CD99: variants seen among roughly 807,000 people sequenced by gnomAD.
CD99 encodes the protein CD99 molecule (Xg blood group).
In CD99, 19 loss-of-function variants were observed where a neutral mutation model predicts 28.4. That is an observed-to-expected ratio of 0.67 (90% CI 0.47 to 0.98). CD99 has a LOEUF of 0.98. Ranked by LOEUF, CD99 falls within the 50% of genes least tolerant of loss-of-function variation. CD99 has a pLI of 0.00. For missense variants in CD99, 283 were observed against 248.8 expected (o/e 1.14, Z -0.92); for synonymous variants, 103 against 92.1 (o/e 1.12, Z -0.67).
At chrX:2,737,564 G>A (rs28436248) in intron 8 of CD99, among the ~76,000 whole-genome samples, 72,031 of 146,658 alleles carry the variant, frequency 0.49, 17,514 homozygotes, top group African/African-American at 0.6. Flanking sequence ...GTGTGATCTC[G>A]GCTCACTGCA....
intron 8 of CD99, 146 bp from the exon 9 acceptor site, chrX:2,738,054 A>T: frequency 1.3e-6 from 1 of 781,934 alleles, no homozygotes; most frequent in Non-Finnish European, 2.3e-6. Flanking sequence ...CCATGTTCCC[A>T]GTGGGTCTCG....
At chrX:2,700,092 CAG>C (rs1203892990) in intron 1 of CD99, among the ~76,000 whole-genome samples, 9 of 152,120 alleles carry the variant, frequency 5.9e-5, no homozygotes, top group Non-Finnish European at 1.0e-4. Flanking sequence ...GACGTGGGCA[CAG>C]GGGTTGCTGG....
At position 2,705,750 on chromosome X, in the gene CD99, G is replaced by A. The variant is rs187599457; in HGVS notation, c.68-8672G>A. The stretch of plus-strand genomic sequence containing the variant: ...GTGCCCTGTGACCGATCGTCTGCCC[G>A]GTGTTAAATGACACATCTTGAAAAA... On this transcript the variant is annotated intron_variant, in intron 1 of 9. Coordinates refer to ENST00000381192, the MANE Select transcript of CD99 (RefSeq NM_002414.5). Among the ~76,000 whole-genome samples, 17 of 152,192 alleles carry A rather than the reference G, an allele frequency of 1.1e-4. No individual in the cohort carries two copies. In the East Asian group the frequency reaches 1.9e-3, roughly 17 times the overall value.
At chrX:2,707,829 T>G (rs1224284327) in intron 1 of CD99, among the ~76,000 whole-genome samples, 1 of 152,180 alleles carries the variant, frequency 6.6e-6, no homozygotes, top group East Asian at 1.9e-4. Context: ...GTTGGTGTTT[T>G]CTTCACATTT....
At chrX:2,709,525 GCA>G (rs1299628248) in intron 1 of CD99, among the ~76,000 whole-genome samples, 17 of 152,378 alleles carry the variant, frequency 1.1e-4, no homozygotes, top group South Asian at 4.1e-4. Context: ...AAACACGTGT[GCA>G]CACACATGCA....
At chrX:2,722,890 G>A (rs1222050099) in intron 6 of CD99, among the ~76,000 whole-genome samples, 1 of 152,186 alleles carries the variant, frequency 6.6e-6, no homozygotes. Flanking sequence ...GAAGAGTTCA[G>A]GGCCCAGGCA....
intron 1 of CD99, among the ~76,000 whole-genome samples, chrX:2,705,420 G>A (rs2048068755): frequency 6.6e-6 from 1 of 152,154 alleles, no homozygotes; most frequent in Non-Finnish European, 1.5e-5. Context: ...TTTACAATAT[G>A]TTTGGTAAGA....
At position 2,691,404 on chromosome X, in the gene CD99, T is replaced by C. The variant is rs1569420925; in HGVS notation, c.44T>C (p.Leu15Pro). Residue 15 changes from leucine (L) to proline (P), a missense_variant, in exon 1 of 10, where the codon CTG becomes CCG. Leu to Pro is a moderately conservative substitution (Grantham distance 98). Coordinates refer to ENST00000381192, the MANE Select transcript of CD99 (RefSeq NM_002414.5). Reference sequence around the variant, plus strand: ...CTGGCGCTGCTGCTCTTCGGCCTGCTGGGTGTTCTGGTCGCCGCCCCGGGT... The same window carrying C: ...CTGGCGCTGCTGCTCTTCGGCCTGCCGGGTGTTCTGGTCGCCGCCCCGGGT... ...AALALLLFGL[L>P]GVLVAAPDGG... The C allele has an allele frequency of 1.9e-6, 3 of 1,585,186 alleles. No individual in the cohort carries two copies. The highest frequency in any genetic ancestry group is 2.3e-5 in the East Asian group (1 of 43,962).
At chrX:2,706,293 T>C (rs1276053660) in intron 1 of CD99, among the ~76,000 whole-genome samples, 1 of 151,858 alleles carries the variant, frequency 6.6e-6, no homozygotes, top group Non-Finnish European at 1.5e-5. Flanking sequence ...CCGGGAGGCA[T>C]AGCTTGCAGT....
chrX:2,723,443 G>A (rs1291086251), intron 7 of CD99, 79 bp downstream of exon 7: 92 of 1,506,338 alleles, frequency 6.1e-5, no homozygotes, highest in Non-Finnish European at 7.2e-5. Context: ...GAGAGCTGGC[G>A]GACTGCACTG....
chrX:2,722,810 C>T lies in CD99; in HGVS notation c.310+136C>T, dbSNP rs140270792. 1.9e-3 allele frequency: 1,776 copies of T among 958,456 alleles called. 9 individuals carry two copies. The African/African-American group carries it at 0.02, about 11-fold the overall frequency. The allele number at this position is 958,456 out of a possible 1,614,324, so 59.4% of individuals were successfully genotyped here. On this transcript the variant is annotated intron_variant, in intron 6 of 9. Transcript: ENST00000381192. ...AAATGTTCAGCCATCTCTGTGGGAA[C>T]TCCGCCTGTTTGCTGAGGCTTCAAG...
chrX:2,734,526 C>T (rs1466057926), intron 8 of CD99, among the ~76,000 whole-genome samples: 8 of 151,964 alleles, frequency 5.3e-5, no homozygotes, highest in East Asian at 3.9e-4. Flanking sequence ...AGGCTGATCT[C>T]GAACTTCTGA....
At chrX:2,700,427 C>T (rs1224470648) in intron 1 of CD99, among the ~76,000 whole-genome samples, 1 of 151,428 alleles carries the variant, frequency 6.6e-6, no homozygotes, top group African/African-American at 2.4e-5. Context: ...CATCCATCAA[C>T]CCATCCTCCC....
At chrX:2,721,011 A>C (rs2048969446) in intron 5 of CD99, among the ~76,000 whole-genome samples, 1 of 152,190 alleles carries the variant, frequency 6.6e-6, no homozygotes, top group Non-Finnish European at 1.5e-5. Flanking sequence ...CTTGATAAAG[A>C]GAAAAGTATT....
chrX:2,738,364 C>T (rs1179030576), intron 9 of CD99, 108 bp downstream of exon 9: 2 of 1,074,328 alleles, frequency 1.9e-6, no homozygotes, highest in Non-Finnish European at 2.9e-6. Flanking sequence ...AATTTGGTTG[C>T]ATGGCTTTGA....
At chrX:2,699,613 C>T (rs1445976302) in intron 1 of CD99, among the ~76,000 whole-genome samples, 2 of 152,014 alleles carry the variant, frequency 1.3e-5, no homozygotes, top group African/African-American at 4.8e-5. Flanking sequence ...TGAGCTGGCA[C>T]GCCCAGCCAA....
intron 8 of CD99, chrX:2,733,484 G>C: frequency 8.5e-7 from 1 of 1,177,614 alleles, no homozygotes; most frequent in Non-Finnish European, 1.2e-6. Flanking sequence ...CCCTCGCCCT[G>C]CTGGCAAATT....
intron 1 of CD99, among the ~76,000 whole-genome samples, chrX:2,702,842 C>T (rs1431063814): frequency 2.0e-5 from 3 of 151,848 alleles, no homozygotes; most frequent in Non-Finnish European, 2.9e-5. Flanking sequence ...AGTGCAGTGG[C>T]GTGATCTTGG....
At chrX:2,719,456 C>T (rs2048894243) in intron 3 of CD99, 1 of 633,762 alleles carries the variant, frequency 1.6e-6, no homozygotes, top group Non-Finnish European at 2.9e-6. Context: ...CTCTGTCTCT[C>T]TGTTTTTTCC....
Sources: allele counts gnomAD v4.1 joint callset (sites outside exome capture counted in the v4.1 genomes callset), GRCh38; gene constraint gnomAD v4.1.1; transcripts MANE v1.5; gene names NCBI Gene and HGNC (gene_info 2026-07-23, HGNC 2026-07-21).